The following ADARB1 variants were observed in gnomAD, a reference collection of about 807,000 sequenced individuals.
ADARB1 encodes double-stranded RNA-specific editase 1.
Under a neutral mutation model 52.4 loss-of-function variants are expected in ADARB1, and 10 were observed. The observed-to-expected ratio is 0.19, with a 90% confidence interval of 0.12 to 0.32. The LOEUF is 0.32. Among genes scored for constraint, ADARB1 ranks in the 10% least tolerant of loss-of-function variants. The pLI is 1.00. For synonymous variants in ADARB1, 349 were observed against 371.1 expected, an observed-to-expected ratio of 0.94 and a Z score of 0.68; for missense variants, 643 against 922.3, an observed-to-expected ratio of 0.70 and a Z score of 3.92.
rs2088770912 is a variant in ADARB1, at chr21:45,129,060, A to G, written c.-48+487A>G. ...AGCCTGGCCAACGTGACGAAACCCC[A>G]TCTCTACCAAAAATACAAAAATTAG... On this transcript the variant is annotated intron_variant, in intron 2 of 10. Transcript: ENST00000348831. Among the ~76,000 whole-genome samples, 8 of 152,214 alleles carry G rather than the reference A, an allele frequency of 5.3e-5. No individual in the cohort carries two copies. In the South Asian group the frequency reaches 1.7e-3, roughly 32 times the overall value.
intron 1 of ADARB1, among the ~76,000 whole-genome samples, chr21:45,080,861 T>A (rs2086125748): frequency 6.6e-6 from 1 of 152,210 alleles, no homozygotes; most frequent in Admixed American, 6.5e-5. Context: ...GTATTGTTGC[T>A]TTGGGCCTGT....
At chr21:45,106,284 C>A (rs2087255235) in intron 1 of ADARB1, among the ~76,000 whole-genome samples, 1 of 151,378 alleles carries the variant, frequency 6.6e-6, no homozygotes, top group East Asian at 1.9e-4. Flanking sequence ...CCTCTGTGTT[C>A]AGCGTGGGTT....
intron 7 of ADARB1, among the ~76,000 whole-genome samples, chr21:45,183,973 T>C (rs2092012364): frequency 6.6e-6 from 1 of 152,260 alleles, no homozygotes; most frequent in African/African-American, 2.4e-5. Flanking sequence ...TTAGCACTTT[T>C]GTTTTTTAGT....
At chr21:45,095,265 C>T (rs1295560995) in intron 1 of ADARB1, among the ~76,000 whole-genome samples, 1 of 152,246 alleles carries the variant, frequency 6.6e-6, no homozygotes, top group Non-Finnish European at 1.5e-5. Flanking sequence ...GCCCAGGCTG[C>T]GCTCCCTGCT....
chr21:45,127,584 G>A (rs2088669209), intron 1 of ADARB1, among the ~76,000 whole-genome samples: 1 of 152,160 alleles, frequency 6.6e-6, no homozygotes, highest in Middle Eastern at 3.2e-3. Flanking sequence ...GCAGCGACCG[G>A]GGCAGCAGGA....
intron 6 of ADARB1, 92 bp downstream of exon 6, chr21:45,182,845 A>G: frequency 8.4e-7 from 1 of 1,190,174 alleles, no homozygotes. Flanking sequence ...TGTTTCTGTA[A>G]TCATGGAAAA....
At position 45,164,521 on chromosome 21, in the gene ADARB1, G is replaced by T. The variant is rs552566296; in HGVS notation, c.-47-7089G>T. Among the ~76,000 whole-genome samples, 30 of 151,306 alleles carry T rather than the reference G, an allele frequency of 2.0e-4. No homozygotes were observed. The South Asian group carries it at 5.9e-3, about 30-fold the overall frequency. ...AGACAAATTGTGGATTGCACTGTGC[G>T]TGGAGGGAGAGGGAGCGGGGCGGTG... On this transcript the variant is annotated intron_variant, in intron 2 of 10. Transcript: ENST00000348831.
intron 8 of ADARB1, among the ~76,000 whole-genome samples, chr21:45,187,450 G>T (rs544293314): frequency 6.6e-6 from 1 of 152,262 alleles, no homozygotes; most frequent in African/African-American, 2.4e-5. Flanking sequence ...TATGTCATCT[G>T]CAAACAGATA....
At chr21:45,126,207 A>T (rs1336186275) in intron 1 of ADARB1, among the ~76,000 whole-genome samples, 1 of 152,140 alleles carries the variant, frequency 6.6e-6, no homozygotes, top group Non-Finnish European at 1.5e-5. Context: ...CACCTGAAAT[A>T]TGTTGAGATT....
intron 2 of ADARB1, among the ~76,000 whole-genome samples, chr21:45,147,310 T>A (rs1321681595): frequency 6.6e-6 from 1 of 152,252 alleles, no homozygotes; most frequent in Non-Finnish European, 1.5e-5. Flanking sequence ...TATTGTTTCT[T>A]ATTTGAAATA....
chr21:45,163,770 A>C (rs2091105585), intron 2 of ADARB1, among the ~76,000 whole-genome samples: 1 of 152,314 alleles, frequency 6.6e-6, no homozygotes, highest in Admixed American at 6.5e-5. Context: ...GCTGAGTACC[A>C]GGCAGCAGTG....
Position 45,208,531 on chromosome 21 carries a change from A to G in ADARB1, c.1747+3795A>G, listed in dbSNP as rs571975281. ...AGACCATTTGACATTATGGGCAGGA[A>G]GAGCAAGGGAAGCTGGTTTAATGAG... is the stretch of plus-strand genomic sequence containing the variant. On this transcript the variant is annotated intron_variant, in intron 9 of 10. Coordinates refer to ENST00000348831, the MANE Select transcript of ADARB1 (RefSeq NM_001112.4). This position sits in a 1 kb window ranked among gnomAD's most constrained non-coding sequence, Gnocchi z 5.6. 9.5e-4 allele frequency among the ~76,000 whole-genome samples: 145 copies of G among 152,284 alleles called. 1 individual carries two copies. Among genetic ancestry groups the G allele is most frequent in the African/African-American group, 3.3e-3 (138 of 41,552 alleles).
At chr21:45,207,830 G>T (rs2092695535) in intron 9 of ADARB1, among the ~76,000 whole-genome samples, 1 of 152,204 alleles carries the variant, frequency 6.6e-6, no homozygotes, top group South Asian at 2.1e-4. Flanking sequence ...TGAATACAAA[G>T]AAAAGATTAC....
At position 45,097,394 on chromosome 21, in the gene ADARB1, T is replaced by A. The variant is rs552270851; in HGVS notation, c.-220+22601T>A. On this transcript the variant is annotated intron_variant, in intron 1 of 10. Coordinates refer to ENST00000348831, the MANE Select transcript of ADARB1 (RefSeq NM_001112.4). Reference sequence around the variant, plus strand: ...CAGGAGATACCGAGGCCCTGTGTGATGTGGTACAAAGTATAAGGCGTTGGC... The same window carrying A: ...CAGGAGATACCGAGGCCCTGTGTGAAGTGGTACAAAGTATAAGGCGTTGGC... 1.7e-3 allele frequency among the ~76,000 whole-genome samples: 253 copies of A among 152,218 alleles called. 1 individual carries two copies. In the Middle Eastern group the frequency reaches 0.017, roughly 10 times the overall value.
chr21:45,190,709 T>G (rs1389976990), intron 8 of ADARB1, among the ~76,000 whole-genome samples: 1 of 152,264 alleles, frequency 6.6e-6, no homozygotes, highest in African/African-American at 2.4e-5. Context: ...TCTAATGTGC[T>G]GCTTGCCTCT....
At chr21:45,075,259 GCAA>G (rs2085876955) in intron 1 of ADARB1, among the ~76,000 whole-genome samples, 1 of 151,684 alleles carries the variant, frequency 6.6e-6, no homozygotes, top group Non-Finnish European at 1.5e-5. Flanking sequence ...GGCTGCGTTG[GCAA>G]CAAGGCTGCG....
At chr21:45,078,760 C>T (rs2086042296) in intron 1 of ADARB1, among the ~76,000 whole-genome samples, 1 of 152,198 alleles carries the variant, frequency 6.6e-6, no homozygotes, top group Non-Finnish European at 1.5e-5. Context: ...AGCCTTTCTT[C>T]CTTCCTTGCG....
intron 1 of ADARB1, among the ~76,000 whole-genome samples, chr21:45,113,473 ATATATATGTGTGTGTGTGTATATATGTG>A (rs2087652118): frequency 6.9e-6 from 1 of 144,700 alleles, no homozygotes; most frequent in Non-Finnish European, 1.5e-5. Flanking sequence ...GTGTGTATAT[ATATATATGTGTGTGTGTGTATATATGTG>A]TGTGTGTGTG....
rs1165774711 is a variant in ADARB1, at chr21:45,220,564, C to T, written c.1748-272C>T. Among the ~76,000 whole-genome samples the T allele has an allele frequency of 6.6e-6, 1 of 152,208 alleles. No individual in the cohort carries two copies. Among genetic ancestry groups the T allele is most frequent in the African/African-American group, 2.4e-5 (1 of 41,452 alleles). On this transcript the variant is annotated intron_variant, in intron 9 of 10. Coordinates refer to ENST00000348831, the MANE Select transcript of ADARB1 (RefSeq NM_001112.4). This position sits in a 1 kb window ranked among gnomAD's most constrained non-coding sequence, Gnocchi z 6.3. Reference sequence around the variant, plus strand: ...AAGTCTCATGATTTCAGGTTTCTGTCAATCTTCTGCCCACCTGCCCTGTCA... The same window carrying T: ...AAGTCTCATGATTTCAGGTTTCTGTTAATCTTCTGCCCACCTGCCCTGTCA...
Sources: allele counts gnomAD v4.1 joint callset (sites outside exome capture counted in the v4.1 genomes callset), GRCh38; gene constraint gnomAD v4.1.1; non-coding constraint Gnocchi (gnomAD v3.1); transcripts MANE v1.5; gene names NCBI Gene and HGNC (gene_info 2026-07-23, HGNC 2026-07-21).